Variants in HMGXB4 observed in about 807,000 individuals in gnomAD.
The protein encoded by HMGXB4 is HMG-box containing 4.
A neutral mutation model predicts 63.9 loss-of-function variants in HMGXB4; 27 were observed. The ratio of observed to expected loss-of-function variants is 0.42; its 90% CI spans 0.31 to 0.58. HMGXB4 has a LOEUF of 0.58. HMGXB4 is among the 20% of genes least tolerant of loss of function. The pLI, the probability that HMGXB4 is intolerant of heterozygous loss-of-function variation, is 0.13. For synonymous variants in HMGXB4, 264 were observed against 265.3 expected (o/e 0.99, Z 0.05); for missense variants, 624 against 700.7 (o/e 0.89, Z 1.24).
intron 9 of HMGXB4, 150 bp from the exon 10 acceptor site, chr22:35,292,842 C>A: frequency 3.5e-6 from 3 of 867,732 alleles, no homozygotes; most frequent in East Asian, 2.7e-5. Flanking sequence ...AAACAACTTA[C>A]AGAGTTATCA....
At chr22:35,246,760 CCTT>C in the HMGXB4 span, among the ~76,000 whole-genome samples, 2 of 152,206 alleles carry the variant, frequency 1.3e-5, no homozygotes, top group Non-Finnish European at 2.9e-5. Context: ...GGTTGTTCTG[CCTT>C]CTTCTCCCCA....
intron 5 of HMGXB4, among the ~76,000 whole-genome samples, 168 bp from the exon 6 acceptor site, chr22:35,283,794 A>AATATAT (rs60002253): frequency 3.3e-5 from 5 of 150,066 alleles, no homozygotes; most frequent in Admixed American, 6.6e-5. Flanking sequence ...TATCTCAAAA[A>AATATAT]ATATATATAT....
At chr22:35,263,632 A>G (rs1568995426) in intron 3 of HMGXB4, among the ~76,000 whole-genome samples, 164 bp from the exon 4 acceptor site, 1 of 152,214 alleles carries the variant, frequency 6.6e-6, no homozygotes, top group Non-Finnish European at 1.5e-5. Flanking sequence ...AGAAGGAAGT[A>G]TTTTTTAATA....
intron 5 of HMGXB4, among the ~76,000 whole-genome samples, chr22:35,273,327 T>C (rs1302925628): frequency 6.6e-6 from 1 of 152,224 alleles, no homozygotes; most frequent in Non-Finnish European, 1.5e-5. Flanking sequence ...TCCACAACTT[T>C]AAGACATGGT....
the HMGXB4 span, among the ~76,000 whole-genome samples, chr22:35,249,445 G>T: frequency 1.0e-5 from 1 of 97,814 alleles, no homozygotes. Context: ...TTAACTTCTT[G>T]ACTCTTACCA....
At chr22:35,241,778 G>A in the HMGXB4 span, among the ~76,000 whole-genome samples, 1 of 152,218 alleles carries the variant, frequency 6.6e-6, no homozygotes, top group Non-Finnish European at 1.5e-5. Flanking sequence ...TATTTGGGGT[G>A]TCTCCTGGGT....
Position 35,278,077 on chromosome 22 carries a change from T to C in HMGXB4, c.1216-5885T>C, listed in dbSNP as rs1318317653. 2.6e-5 allele frequency among the ~76,000 whole-genome samples: 4 copies of C among 152,258 alleles called. No homozygotes were observed. In the East Asian group the frequency reaches 5.8e-4, roughly 22 times the overall value. ...CTCCATAGTTTTGCCTTTTCCAGAA[T>C]GCCACATAGTTGGAATCATACAGTA... On this transcript the variant is annotated intron_variant, in intron 5 of 10. Coordinates refer to ENST00000216106, the MANE Select transcript of HMGXB4 (RefSeq NM_001003681.3).
In HMGXB4 at chr22:35,294,802, T is replaced by TTTCC. The variant is rs966799035; in HGVS notation, c.*1164_*1167dup. The TTTCC allele has an allele frequency of 1.3e-5, 2 of 152,096 alleles. No individual in the cohort carries two copies. The highest frequency in any genetic ancestry group is 2.9e-5 in the Non-Finnish European group (2 of 68,000). The allele number at this position is 152,096 out of a possible 1,614,324, so 9.4% of individuals were successfully genotyped here. ...CATTTCTCCCTTCCGCCCTCCCTTC[T>TTTCC]TTCCTTCCTTCCTTCCCTGTTTCCT... On this transcript the variant is annotated 3_prime_UTR_variant, in exon 11 of 11. Transcript: ENST00000216106.
At chr22:35,263,273 T>A in intron 3 of HMGXB4, 47 bp downstream of exon 3, 2 of 1,522,938 alleles carry the variant, frequency 1.3e-6, no homozygotes, top group Non-Finnish European at 1.8e-6. Context: ...CTACTCATTT[T>A]TTTTTGGTGA....
chr22:35,265,458 C>T lies in HMGXB4; in HGVS notation c.1070C>T (p.Thr357Ile). The change falls in exon 5 of 11, where the codon ACA becomes ATA. Residue 357 changes from threonine to isoleucine, a missense_variant. Thr to Ile is a moderately conservative substitution (Grantham distance 89, BLOSUM62 -1). This residue lies in a region of HMGXB4 where 472 missense variants were observed against 470.6 expected (regional missense o/e 1.00). Transcript: ENST00000216106. The stretch of plus-strand genomic sequence containing the variant: ...TCTGCCGTGCCAGTGGGAGAGGTCA[C>T]AGTGACATCTGGCCCTCCTCCCAGC... ...GLSAVPVGEV[T>I]VTSGPPPSIP... 1 of 1,614,078 alleles carries T rather than the reference C, an allele frequency of 6.2e-7. No homozygotes were observed. Among genetic ancestry groups the T allele is most frequent in the South Asian group, 1.1e-5 (1 of 91,078 alleles).
intron 6 of HMGXB4, 121 bp downstream of exon 6, chr22:35,284,164 AT>A: frequency 1.5e-6 from 1 of 681,040 alleles, no homozygotes. Flanking sequence ...AGTTCTGCAA[AT>A]CACTTTAGAT....
At chr22:35,263,685 A>G (rs1923012066) in intron 3 of HMGXB4, 111 bp from the exon 4 acceptor site, 1 of 738,642 alleles carries the variant, frequency 1.4e-6, no homozygotes, top group South Asian at 1.6e-5. Flanking sequence ...ATCTATTTTT[A>G]TTATTTCTTG....
chr22:35,271,652 G>C (rs1425487772), intron 5 of HMGXB4, among the ~76,000 whole-genome samples: 1 of 152,208 alleles, frequency 6.6e-6, no homozygotes, highest in African/African-American at 2.4e-5. Flanking sequence ...AATACATGCG[G>C]AAGTGTTCAG....
At chr22:35,285,262 T>C (rs1239387430) in intron 6 of HMGXB4, among the ~76,000 whole-genome samples, 2 of 152,060 alleles carry the variant, frequency 1.3e-5, no homozygotes, top group East Asian at 3.9e-4. Flanking sequence ...TTTTAAAAAA[T>C]AGCTGGGCGT....
At chr22:35,293,318 T>C (rs936990840) in intron 10 of HMGXB4, among the ~76,000 whole-genome samples, 1 of 152,234 alleles carries the variant, frequency 6.6e-6, no homozygotes, top group Non-Finnish European at 1.5e-5. Context: ...AAAACAGTAC[T>C]TAAGAAAGCA....
intron 6 of HMGXB4, among the ~76,000 whole-genome samples, chr22:35,284,691 G>A (rs1924459118): frequency 6.6e-6 from 1 of 152,208 alleles, no homozygotes; most frequent in African/African-American, 2.4e-5. Flanking sequence ...TTTACTGAGT[G>A]CATATTGCTT....
chr22:35,260,514 A>G (rs772680474), intron 1 of HMGXB4, among the ~76,000 whole-genome samples: 50 of 152,244 alleles, frequency 3.3e-4, no homozygotes, highest in Non-Finnish European at 3.1e-4. Context: ...TGGAACATGG[A>G]AAACTGGCTA....
intron 5 of HMGXB4, among the ~76,000 whole-genome samples, chr22:35,270,620 G>C (rs1469240978): frequency 6.6e-6 from 1 of 152,184 alleles, no homozygotes; most frequent in African/African-American, 2.4e-5. Flanking sequence ...AAACATAAAT[G>C]AGTCTAAGAA....
rs894330822 is a variant in HMGXB4, at chr22:35,294,610, C to G, written c.*959C>G. ...AGTGAATTGCAAAAACAAAACAAAA[C>G]TCACTCTCTTGTAGGTTTATTTATG... On this transcript the variant is annotated 3_prime_UTR_variant, in exon 11 of 11. Coordinates refer to ENST00000216106, the MANE Select transcript of HMGXB4 (RefSeq NM_001003681.3). The G allele has an allele frequency of 1.3e-5, 2 of 152,544 alleles. No homozygotes were observed. Among genetic ancestry groups the G allele is most frequent in the African/African-American group, 4.8e-5 (2 of 41,412 alleles). The allele number at this position is 152,544 out of a possible 1,614,324, so 9.4% of individuals were successfully genotyped here.
Sources: gnomAD v4.1 joint callset for allele counts (sites outside exome capture counted in the v4.1 genomes callset) on GRCh38, gnomAD v4.1.1 for gene constraint, gnomAD v4.1.1 regional missense constraint, MANE v1.5 for transcripts, NCBI Gene and HGNC (gene_info 2026-07-23, HGNC 2026-07-21) for gene names.